The following RAPGEF1 variants were observed in gnomAD, a reference collection of about 807,000 sequenced individuals.
The protein encoded by RAPGEF1 is Rap guanine nucleotide exchange factor 1, also known as CRK SH3-binding GNRP.
A neutral mutation model predicts 143.3 loss-of-function variants in RAPGEF1; 33 were observed. The ratio of observed to expected loss-of-function variants is 0.23; its 90% CI spans 0.17 to 0.31. The LOEUF (loss-of-function observed/expected upper bound fraction) is 0.31. Among genes scored for constraint, RAPGEF1 ranks in the 10% least tolerant of loss-of-function variants. RAPGEF1 has a pLI of 1.00. For synonymous variants in RAPGEF1, 629 were observed against 676.5 expected, an observed-to-expected ratio of 0.93 and a Z score of 1.09; for missense variants, 1,199 against 1,645.4, an observed-to-expected ratio of 0.73 and a Z score of 4.69.
chr9:131,724,092 T>C (rs1351794797), intron 1 of RAPGEF1, among the ~76,000 whole-genome samples: 1 of 152,222 alleles, frequency 6.6e-6, no homozygotes, highest in Non-Finnish European at 1.5e-5. Context: ...ACAGGTTTCA[T>C]AAAATACTAC....
intron 1 of RAPGEF1, among the ~76,000 whole-genome samples, chr9:131,681,701 G>C (rs1264754893): frequency 6.6e-6 from 1 of 152,144 alleles, no homozygotes; most frequent in Non-Finnish European, 1.5e-5. Flanking sequence ...CCAGCTTTTG[G>C]GGGTCGGCGG....
chr9:131,624,589 G>C (rs1001538431), intron 10 of RAPGEF1, among the ~76,000 whole-genome samples: 1 of 152,208 alleles, frequency 6.6e-6, no homozygotes, highest in East Asian at 1.9e-4. Context: ...CCTGCCCAGT[G>C]TCTGAGCTCA....
Position 131,637,026 on chromosome 9 carries a change from G to A in RAPGEF1, c.651+1609C>T, listed in dbSNP as rs189195122. On this transcript the variant is annotated intron_variant, in intron 5 of 26. Transcript: ENST00000683357. ...AGATCACCTGAGGTCAGGAGTTCGA[G>A]ACCAGCCTGGCCAACATGGTGAAAC... 5.9e-5 allele frequency among the ~76,000 whole-genome samples: 9 copies of A among 152,220 alleles called. No individual in the cohort carries two copies. In the East Asian group the frequency reaches 1.5e-3, roughly 26 times the overall value.
chr9:131,617,492 C>G (rs756053012), intron 12 of RAPGEF1, among the ~76,000 whole-genome samples: 9 of 152,218 alleles, frequency 5.9e-5, no homozygotes, highest in Non-Finnish European at 1.2e-4. Context: ...GGAAACCAGA[C>G]AAGACCAAAC....
chr9:131,638,544 G>A lies in RAPGEF1; in HGVS notation c.651+91C>T. The A allele has an allele frequency of 2.1e-6, 3 of 1,425,296 alleles. No individual in the cohort carries two copies. In the South Asian group the frequency reaches 3.6e-5, roughly 17 times the overall value. The allele number at this position is 1,425,296 out of a possible 1,614,324, so 88.3% of individuals were successfully genotyped here. A position where few individuals can be genotyped will look rare whatever the true frequency, so the allele number is the denominator to read the frequency against. Reference sequence around the variant, plus strand: ...GACGCAGAAAGACATTCTAATGTTTGAAGGTCAGGAGCAAGCTCTTATGTG... The same window carrying A: ...GACGCAGAAAGACATTCTAATGTTTAAAGGTCAGGAGCAAGCTCTTATGTG... On this transcript the variant is annotated intron_variant, in intron 5 of 26. Coordinates refer to ENST00000683357, the MANE Select transcript of RAPGEF1 (RefSeq NM_001377935.1).
chr9:131,582,204 T>C (rs1268272377), intron 25 of RAPGEF1, among the ~76,000 whole-genome samples: 2 of 152,088 alleles, frequency 1.3e-5, no homozygotes, highest in Non-Finnish European at 2.9e-5. Context: ...GTTGTTCTAA[T>C]GCGCAGCCAC....
At chr9:131,587,267 AAC>A (rs71374113) in intron 22 of RAPGEF1, among the ~76,000 whole-genome samples, 1 of 66,094 alleles carries the variant, frequency 1.5e-5, no homozygotes, top group Non-Finnish European at 3.0e-5. Flanking sequence ...CTCCATCTCA[AAC>A]ACACACACAC....
chr9:131,591,010 CAT>C (rs1456492043), intron 18 of RAPGEF1, among the ~76,000 whole-genome samples: 1 of 152,232 alleles, frequency 6.6e-6, no homozygotes. Flanking sequence ...AAAAAATGGT[CAT>C]AGAGCTAGGG....
At chr9:131,603,894 T>C in intron 14 of RAPGEF1, 67 bp downstream of exon 14, 1 of 1,026,030 alleles carries the variant, frequency 9.7e-7, no homozygotes, top group Non-Finnish European at 1.3e-6. Flanking sequence ...GGAAGCGGCC[T>C]CGGGAGGGCA....
chr9:131,719,348 CA>C, intron 1 of RAPGEF1, among the ~76,000 whole-genome samples: 1 of 152,248 alleles, frequency 6.6e-6, no homozygotes, highest in Admixed American at 6.5e-5. Flanking sequence ...ATACTGCTGA[CA>C]AGAAGCATGA....
At chr9:131,711,654 A>G (rs1240262397) in intron 1 of RAPGEF1, among the ~76,000 whole-genome samples, 1 of 152,208 alleles carries the variant, frequency 6.6e-6, no homozygotes, top group African/African-American at 2.4e-5. Flanking sequence ...CACCACGCCC[A>G]GCCCTTCATC....
At chr9:131,729,807 C>T (rs1464065577) in intron 1 of RAPGEF1, among the ~76,000 whole-genome samples, 1 of 152,224 alleles carries the variant, frequency 6.6e-6, no homozygotes, top group Non-Finnish European at 1.5e-5. Flanking sequence ...GAAGGTAAAG[C>T]TCCTAGCATC....
rs568159840 is a variant in RAPGEF1, at chr9:131,619,072, G to A, written c.2040C>T (p.His680=). 1.5e-5 allele frequency: 21 copies of A among 1,359,128 alleles called. No homozygotes were observed. Among genetic ancestry groups the A allele is most frequent in the Middle Eastern group, 2.1e-4 (1 of 4,784 alleles). 84.2% of individuals were successfully genotyped at this position (1,359,128 alleles called of 1,614,324 possible). The change falls in exon 12 of 27, where the codon CAC becomes CAT. Residue 680 remains histidine (H), a synonymous_variant. Transcript: ENST00000683357. The part of the protein sequence containing the change: ...VSVSNSFLSR[H]GSLPVPSYKS... ...TCACCGAGGGCACGGGCAAGCTGCC[G>A]TGCCGGCTGAGAAAGGAGTTAGAGA...
chr9:131,609,267 T>G (rs1447472901), intron 12 of RAPGEF1, among the ~76,000 whole-genome samples: 1 of 152,174 alleles, frequency 6.6e-6, no homozygotes, highest in Non-Finnish European at 1.5e-5. Flanking sequence ...TCAATTAACG[T>G]ACACACAGTG....
At chr9:131,737,833 C>T (rs1306212939) in intron 1 of RAPGEF1, among the ~76,000 whole-genome samples, 1 of 152,054 alleles carries the variant, frequency 6.6e-6, no homozygotes, top group Non-Finnish European at 1.5e-5. Flanking sequence ...GGCGTGGTGG[C>T]AGGCGCCTGC....
chr9:131,597,098 C>T (rs1955432906), intron 16 of RAPGEF1, among the ~76,000 whole-genome samples: 1 of 152,194 alleles, frequency 6.6e-6, no homozygotes, highest in Admixed American at 6.5e-5. Context: ...TCCAGGACAA[C>T]CCCCCAGGCC....
chr9:131,608,238 G>A (rs138642384), intron 12 of RAPGEF1, among the ~76,000 whole-genome samples: 3 of 152,220 alleles, frequency 2.0e-5, no homozygotes, highest in South Asian at 2.1e-4. Context: ...ACGACCTCTC[G>A]GCCAGCAGCA....
Position 131,739,832 on chromosome 9 carries a change from G to C in RAPGEF1, c.-2C>G, listed in dbSNP as rs762246523. On this transcript the variant is annotated 5_prime_UTR_variant, in exon 1 of 27. Transcript: ENST00000683357. ...CCGGAGGCCGAGGCCGCCGCTCATC[G>C]GGCCCGGGCCGGGCCGCCGCGGGGC... The C allele has an allele frequency of 4.8e-5, 51 of 1,051,546 alleles. No individual in the cohort carries two copies. The African/African-American group carries it at 4.9e-4, about 10-fold the overall frequency. The allele number at this position is 1,051,546 out of a possible 1,614,324, so 65.1% of individuals were successfully genotyped here.
chr9:131,582,715 G>A lies in RAPGEF1; in HGVS notation c.3415-13C>T, dbSNP rs765370113. The A allele has an allele frequency of 2.6e-6, 4 of 1,557,146 alleles. No individual in the cohort carries two copies. The highest frequency in any genetic ancestry group is 3.5e-6 in the Non-Finnish European group (4 of 1,155,926). ...ACTCGGCCAGGCCCTGGCAGGACAG[G>A]ACAGGACAGGACCGGACAGGGGTGA... On this transcript the variant is annotated splice_polypyrimidine_tract_variant and intron_variant, in intron 24 of 26. Transcript: ENST00000683357.
Sources: allele counts gnomAD v4.1 joint callset (sites outside exome capture counted in the v4.1 genomes callset), GRCh38; gene constraint gnomAD v4.1.1; transcripts MANE v1.5; gene names NCBI Gene and HGNC (gene_info 2026-07-23, HGNC 2026-07-21).